Variants in CXCL13 observed in about 807,000 individuals in gnomAD.
CXCL13 encodes the protein C-X-C motif chemokine ligand 13, also known as C-X-C motif chemokine 13.
In CXCL13, 7 loss-of-function variants were observed where a neutral mutation model predicts 12.2. The ratio of observed to expected loss-of-function variants is 0.57; its 90% CI spans 0.33 to 1.07. CXCL13 has a LOEUF of 1.07. CXCL13 is among the 50% of genes least tolerant of loss of function. The pLI is 0.04. For synonymous variants in CXCL13, 47 were observed against 42.4 expected, an observed-to-expected ratio of 1.11 and a Z score of -0.42; for missense variants, 113 against 127.4, an observed-to-expected ratio of 0.89 and a Z score of 0.55.
Position 77,531,098 on chromosome 4 carries a change from TTTATTATTA to T in CXCL13, c.-43+19336_-43+19344del, listed in dbSNP as rs59478034. ...ATTTGAGTGTTTTTGAGTGAGTTTC[TTTATTATTA>T]TTATTATTATTATTATTATTATTAT... On this transcript the variant is annotated intron_variant, in intron 1 of 4. Transcript: ENST00000286758. 1.9e-3 allele frequency among the ~76,000 whole-genome samples: 270 copies of T among 144,344 alleles called. 2 individuals are homozygous for T. The highest frequency in any genetic ancestry group is 9.5e-3 in the South Asian group (43 of 4,528). The allele number at this position is 144,344 out of a possible 152,430, so 94.7% of individuals were successfully genotyped here.
intron 2 of CXCL13, among the ~76,000 whole-genome samples, chr4:77,609,328 T>C (rs1271711701): frequency 1.3e-5 from 2 of 152,078 alleles, no homozygotes; most frequent in Admixed American, 1.3e-4. Flanking sequence ...TTTGTTTTGT[T>C]TTGAGACAGG....
intron 1 of CXCL13, among the ~76,000 whole-genome samples, chr4:77,551,424 C>A (rs1725518401): frequency 6.6e-6 from 1 of 152,154 alleles, no homozygotes; most frequent in Non-Finnish European, 1.5e-5. Context: ...AATTTCTTTT[C>A]TTTAAGAATC....
intron 1 of CXCL13, among the ~76,000 whole-genome samples, chr4:77,521,073 G>T (rs1277436131): frequency 6.6e-6 from 1 of 152,284 alleles, no homozygotes; most frequent in South Asian, 2.1e-4. Flanking sequence ...AAGCCAACTT[G>T]ATCGTGTTGG....
intron 2 of CXCL13, among the ~76,000 whole-genome samples, chr4:77,608,943 GCTTTAA>G (rs1578075549): frequency 6.6e-6 from 1 of 152,044 alleles, no homozygotes; most frequent in Admixed American, 6.5e-5. Flanking sequence ...AATTTTCTCT[GCTTTAA>G]CTTTGATTGT....
At position 77,525,490 on chromosome 4, in the gene CXCL13, C is replaced by T. The variant is rs141100828; in HGVS notation, c.-43+13702C>T. Among the ~76,000 whole-genome samples the T allele has an allele frequency of 9.9e-5, 15 of 152,076 alleles. No individual in the cohort carries two copies. In the East Asian group the frequency reaches 2.7e-3, roughly 27 times the overall value. Reference sequence around the variant, plus strand: ...GTTTTTAAACAGCATGTTAGGTATACTTGTGTGGGTGGAAGTGTTGTTAGT... The same window carrying T: ...GTTTTTAAACAGCATGTTAGGTATATTTGTGTGGGTGGAAGTGTTGTTAGT... On this transcript the variant is annotated intron_variant, in intron 1 of 4. Transcript: ENST00000286758.
chr4:77,519,712 A>C (rs995208474), intron 1 of CXCL13, among the ~76,000 whole-genome samples: 2 of 152,110 alleles, frequency 1.3e-5, no homozygotes, highest in Non-Finnish European at 2.9e-5. Context: ...GAAGATCTTT[A>C]GTTTAATTAG....
chr4:77,544,835 G>A (rs1725311702), intron 1 of CXCL13, among the ~76,000 whole-genome samples: 1 of 152,184 alleles, frequency 6.6e-6, no homozygotes, highest in Admixed American at 6.5e-5. Context: ...CCTATGTCCT[G>A]AATGGTATTG....
intron 1 of CXCL13, among the ~76,000 whole-genome samples, chr4:77,592,977 GA>G (rs1234737728): frequency 6.6e-6 from 1 of 152,222 alleles, no homozygotes; most frequent in Non-Finnish European, 1.5e-5. Flanking sequence ...GAAATTCAGA[GA>G]GGTTAATAAC....
chr4:77,573,415 T>A (rs1726139837), intron 1 of CXCL13, among the ~76,000 whole-genome samples: 1 of 148,668 alleles, frequency 6.7e-6, no homozygotes, highest in Non-Finnish European at 1.5e-5. Flanking sequence ...TGTGTGTATG[T>A]CTAAATGTGT....
chr4:77,516,928 T>C (rs2110078038), intron 1 of CXCL13, among the ~76,000 whole-genome samples: 1 of 152,328 alleles, frequency 6.6e-6, no homozygotes, highest in Middle Eastern at 3.4e-3. Context: ...TTTCCTGCTT[T>C]CTCTTGTGGG....
At chr4:77,531,102 T>C (rs1027469162) in intron 1 of CXCL13, among the ~76,000 whole-genome samples, 2 of 97,704 alleles carry the variant, frequency 2.0e-5, no homozygotes, top group Non-Finnish European at 4.1e-5. Flanking sequence ...AGTTTCTTTA[T>C]TATTATTATT....
chr4:77,569,276 AAG>A (rs1726008431), intron 1 of CXCL13, among the ~76,000 whole-genome samples: 2 of 152,342 alleles, frequency 1.3e-5, no homozygotes, highest in South Asian at 4.1e-4. Context: ...GCAATCAGGC[AAG>A]AGAGAGAAAT....
At chr4:77,605,395 C>T (rs928668554), upstream of CXCL13, among the ~76,000 whole-genome samples, 7 of 152,132 alleles carry the variant, frequency 4.6e-5, no homozygotes, top group Non-Finnish European at 1.0e-4. Context: ...TACCAAAGGC[C>T]GGAATCCCTT....
At chr4:77,569,240 A>G (rs1726007737) in intron 1 of CXCL13, among the ~76,000 whole-genome samples, 1 of 152,234 alleles carries the variant, frequency 6.6e-6, no homozygotes, top group Non-Finnish European at 1.5e-5. Flanking sequence ...CTTCTATTTG[A>G]CACAGTATTG....
chr4:77,524,332 A>G, intron 1 of CXCL13, among the ~76,000 whole-genome samples: 1 of 152,190 alleles, frequency 6.6e-6, no homozygotes, highest in East Asian at 1.9e-4. Flanking sequence ...TCCCCTGCCT[A>G]CAGAGGTGGA....
chr4:77,546,834 G>A (rs1259405733), intron 1 of CXCL13, among the ~76,000 whole-genome samples: 1 of 151,934 alleles, frequency 6.6e-6, no homozygotes, highest in African/African-American at 2.4e-5. Flanking sequence ...GTGATGTTAG[G>A]GTGTTGATTT....
intron 1 of CXCL13, among the ~76,000 whole-genome samples, chr4:77,545,980 G>T (rs562320099): frequency 6.6e-6 from 1 of 152,228 alleles, no homozygotes; most frequent in South Asian, 2.1e-4. Flanking sequence ...TTTGTTGTAG[G>T]TCTTTTCTGC....
Position 77,534,340 on chromosome 4 carries a change from A to G in CXCL13, c.-43+22552A>G, listed in dbSNP as rs539177048. On this transcript the variant is annotated intron_variant, in intron 1 of 4. Transcript: ENST00000286758. ...TTGTAACAGTACAAACCTGGAAACA[A>G]TCCAGTTGTTCTTTAACTGATGAAT... 1.3e-4 allele frequency among the ~76,000 whole-genome samples: 20 copies of G among 152,324 alleles called. No individual in the cohort carries two copies. In the South Asian group the frequency reaches 4.1e-3, roughly 32 times the overall value.
At chr4:77,555,251 A>G (rs1226764732) in intron 1 of CXCL13, among the ~76,000 whole-genome samples, 1 of 152,068 alleles carries the variant, frequency 6.6e-6, no homozygotes, top group African/African-American at 2.4e-5. Context: ...CATTAAAAAG[A>G]TAAAAGTGGA....
Sources: allele counts gnomAD v4.1 joint callset (sites outside exome capture counted in the v4.1 genomes callset), GRCh38; gene constraint gnomAD v4.1.1; transcripts MANE v1.5; gene names NCBI Gene and HGNC (gene_info 2026-07-23, HGNC 2026-07-21).